Variants in EPHA6 observed in about 807,000 individuals in gnomAD.
The protein encoded by EPHA6 is ephrin type-A receptor 6.
Under a neutral mutation model 112.0 loss-of-function variants are expected in EPHA6, and 50 were observed. That is an observed-to-expected ratio of 0.45 (90% CI 0.36 to 0.56). The LOEUF (loss-of-function observed/expected upper bound fraction) is 0.56. Ranked by LOEUF, EPHA6 falls within the 20% of genes least tolerant of loss-of-function variation. EPHA6 has a pLI of 0.00. For missense variants in EPHA6, 1,280 were observed against 1,417.4 expected (o/e 0.90, Z 1.56); for synonymous variants, 529 against 490.7 (o/e 1.08, Z -1.03).
chr3:97,318,172 A>C (rs944934340), intron 5 of EPHA6, among the ~76,000 whole-genome samples: 2 of 151,968 alleles, frequency 1.3e-5, no homozygotes, highest in African/African-American at 4.8e-5. Flanking sequence ...TTTAACGTTA[A>C]AGTCCAGAAT....
chr3:96,979,583 G>A (rs1226446522), intron 2 of EPHA6, among the ~76,000 whole-genome samples: 1 of 152,164 alleles, frequency 6.6e-6, no homozygotes, highest in African/African-American at 2.4e-5. Flanking sequence ...GGATGGCTGG[G>A]TTAAATGGTA....
chr3:97,113,197 C>T (rs372924426), intron 3 of EPHA6, among the ~76,000 whole-genome samples: 50 of 152,152 alleles, frequency 3.3e-4, no homozygotes, highest in African/African-American at 1.2e-3. Flanking sequence ...CCATTGTCTT[C>T]ACTGTGATTT....
intron 14 of EPHA6, among the ~76,000 whole-genome samples, chr3:97,653,562 A>G (rs913145530): frequency 1.3e-5 from 2 of 151,942 alleles, no homozygotes; most frequent in African/African-American, 4.8e-5. Context: ...ATGGTAATGT[A>G]AATTGGTACA....
At chr3:96,880,898 A>G (rs965890660) in intron 2 of EPHA6, among the ~76,000 whole-genome samples, 3 of 152,140 alleles carry the variant, frequency 2.0e-5, no homozygotes, top group African/African-American at 4.8e-5. Flanking sequence ...TTGTATGTAT[A>G]TATCAGTTCG....
chr3:97,252,045 A>G (rs2079156137), intron 5 of EPHA6, among the ~76,000 whole-genome samples: 1 of 152,218 alleles, frequency 6.6e-6, no homozygotes, highest in Admixed American at 6.5e-5. Context: ...CATAAGTGAA[A>G]GCATCAAAAT....
chr3:97,226,511 C>G (rs575076714), intron 4 of EPHA6, 92 bp downstream of exon 4: 2 of 1,204,942 alleles, frequency 1.7e-6, no homozygotes, highest in Non-Finnish European at 2.3e-6. Flanking sequence ...TGTACAAAAT[C>G]TTGCATTATC....
chr3:97,652,098 C>T (rs556391264), intron 14 of EPHA6, among the ~76,000 whole-genome samples: 2 of 152,168 alleles, frequency 1.3e-5, no homozygotes, highest in Admixed American at 1.3e-4. Context: ...TACCTGCTGA[C>T]ATTAAATCTA....
intron 5 of EPHA6, among the ~76,000 whole-genome samples, chr3:97,329,689 T>C (rs1406305919): frequency 6.6e-6 from 1 of 152,204 alleles, no homozygotes; most frequent in Non-Finnish European, 1.5e-5. Flanking sequence ...GTAAATTTGT[T>C]TGAGTTCATT....
At chr3:97,675,026 G>A (rs1265580874) in intron 14 of EPHA6, among the ~76,000 whole-genome samples, 1 of 152,086 alleles carries the variant, frequency 6.6e-6, no homozygotes, top group African/African-American at 2.4e-5. Context: ...AACATCTAAG[G>A]GGCCTATGCT....
intron 14 of EPHA6, among the ~76,000 whole-genome samples, chr3:97,711,327 C>T (rs754266703): frequency 9.9e-5 from 15 of 151,914 alleles, no homozygotes; most frequent in Non-Finnish European, 2.2e-4. Context: ...TTGTAAATTG[C>T]CCAGTCTCGG....
At chr3:97,348,337 T>C (rs1411523796) in intron 5 of EPHA6, among the ~76,000 whole-genome samples, 1 of 152,086 alleles carries the variant, frequency 6.6e-6, no homozygotes, top group East Asian at 1.9e-4. Context: ...AATTATTTTT[T>C]CTTGTCTAAT....
intron 14 of EPHA6, among the ~76,000 whole-genome samples, chr3:97,696,815 G>A (rs1043117713): frequency 1.3e-5 from 2 of 152,070 alleles, no homozygotes; most frequent in Non-Finnish European, 2.9e-5. Context: ...AAGAAACTGA[G>A]GCATAAAGAA....
At chr3:97,665,509 T>C (rs901700091) in intron 14 of EPHA6, among the ~76,000 whole-genome samples, 3 of 152,154 alleles carry the variant, frequency 2.0e-5, no homozygotes, top group African/African-American at 7.2e-5. Context: ...AGTTCAGACA[T>C]GTTATCAGCA....
At chr3:97,738,158 A>ATT (rs5851079) in intron 16 of EPHA6, among the ~76,000 whole-genome samples, 507 of 150,972 alleles carry the variant, frequency 3.4e-3, no homozygotes, top group East Asian at 4.7e-3. Flanking sequence ...CATAATACCA[A>ATT]TTTTTTTTTT....
At chr3:96,957,405 T>C (rs933449223) in intron 2 of EPHA6, among the ~76,000 whole-genome samples, 6 of 152,218 alleles carry the variant, frequency 3.9e-5, no homozygotes, top group Non-Finnish European at 7.3e-5. Flanking sequence ...ACTTCTCATA[T>C]CTGGAAACCT....
At chr3:96,980,700 C>T (rs2042731742) in intron 2 of EPHA6, among the ~76,000 whole-genome samples, 1 of 152,086 alleles carries the variant, frequency 6.6e-6, no homozygotes, top group Non-Finnish European at 1.5e-5. Flanking sequence ...AATGTTCTTC[C>T]ATTTCTTTGT....
At chr3:97,586,132 A>C (rs2093485322) in intron 11 of EPHA6, among the ~76,000 whole-genome samples, 1 of 152,110 alleles carries the variant, frequency 6.6e-6, no homozygotes, top group Non-Finnish European at 1.5e-5. Context: ...TTTTGTATCC[A>C]CTCACTCAAC....
intron 15 of EPHA6, among the ~76,000 whole-genome samples, chr3:97,734,356 G>A (rs909724412): frequency 1.1e-4 from 17 of 152,012 alleles, no homozygotes; most frequent in Admixed American, 1.1e-3. Context: ...CATTGCAAGT[G>A]TTTTACACAC....
chr3:97,431,733 T>G (rs917081129), intron 6 of EPHA6, among the ~76,000 whole-genome samples: 11 of 152,114 alleles, frequency 7.2e-5, no homozygotes, highest in African/African-American at 2.7e-4. Context: ...GTTTAACACG[T>G]TTATACTTTT....
Sources: gnomAD v4.1 joint callset for allele counts (sites outside exome capture counted in the v4.1 genomes callset) on GRCh38, gnomAD v4.1.1 for gene constraint, MANE v1.5 for transcripts, NCBI Gene and HGNC (gene_info 2026-07-23, HGNC 2026-07-21) for gene names.